PLCD4: variants seen among roughly 807,000 people sequenced by gnomAD.
The protein encoded by PLCD4 is 1-phosphatidylinositol 4,5-bisphosphate phosphodiesterase delta-4.
A neutral mutation model predicts 90.2 loss-of-function variants in PLCD4; 63 were observed. The observed-to-expected ratio is 0.70, with a 90% CI of 0.57 to 0.86. PLCD4 has a LOEUF of 0.86. Ranked by LOEUF, PLCD4 falls within the 40% of genes least tolerant of loss-of-function variation. PLCD4 has a pLI of 0.00. For synonymous variants in PLCD4, 294 were observed against 356.5 expected, an observed-to-expected ratio of 0.82 and a Z score of 1.97; for missense variants, 830 against 956.3, an observed-to-expected ratio of 0.87 and a Z score of 1.74.
At chr2:218,632,402 C>A in intron 10 of PLCD4, 90 bp downstream of exon 10, 1 of 1,346,686 alleles carries the variant, frequency 7.4e-7, no homozygotes, top group Non-Finnish European at 9.9e-7. Context: ...GTGCAAGATG[C>A]AGGGCCAAGG....
In PLCD4 at chr2:218,632,190, C is replaced by T. The variant is rs749552818; in HGVS notation, c.1327C>T (p.Leu443=). 8 of 1,611,030 alleles carry T rather than the reference C, an allele frequency of 5.0e-6. No homozygotes were observed. Among genetic ancestry groups the T allele is most frequent in the Non-Finnish European group, 5.9e-6 (7 of 1,178,806 alleles). ...GAAGAAGTTAACACTTGAGGAAGAC[C>T]TGGAATATGAGGAAGAGGAAGCAGA... ...KGKKLTLEED[L]EYEEEEAEPE... is the part of the protein sequence containing the mutation. The change falls in exon 10 of 16, where the codon CTG becomes TTG. Residue 443 remains leucine, a synonymous_variant. Transcript: ENST00000450993.
chr2:218,615,308 A>C (rs1559262719), intron 1 of PLCD4, among the ~76,000 whole-genome samples: 2 of 152,204 alleles, frequency 1.3e-5, no homozygotes, highest in East Asian at 3.8e-4. Flanking sequence ...GGACTCCCAG[A>C]ATAGGGAAGC....
At chr2:218,633,581 C>A in intron 10 of PLCD4, 24 bp from the exon 11 acceptor site, 1 of 1,609,800 alleles carries the variant, frequency 6.2e-7, no homozygotes, top group Non-Finnish European at 8.5e-7. Flanking sequence ...GGTTCAATTC[C>A]ATCTTCTTTT....
At position 218,637,165 on chromosome 2, in the gene PLCD4, T is replaced by C; in HGVS notation, c.*588T>C. ...CCTTAGCCCCACTGGTATAAATACA[T>C]CTCTCTCCAATTTGGCTTCAATATG... On this transcript the variant is annotated 3_prime_UTR_variant, in exon 16 of 16. Coordinates refer to ENST00000450993, the MANE Select transcript of PLCD4 (RefSeq NM_032726.4). 1 of 257,538 alleles carries C rather than the reference T, an allele frequency of 3.9e-6. No homozygotes were observed. Among genetic ancestry groups the C allele is most frequent in the South Asian group, 4.3e-5 (1 of 23,006 alleles). 16.0% of individuals were successfully genotyped at this position (257,538 alleles called of 1,614,324 possible).
chr2:218,608,865 G>A (rs964144550), intron 1 of PLCD4, among the ~76,000 whole-genome samples: 3 of 152,110 alleles, frequency 2.0e-5, no homozygotes, highest in East Asian at 1.9e-4. Context: ...CTGGCCGGGC[G>A]CGGTGGCTCA....
At chr2:218,633,387 T>C in intron 10 of PLCD4, 1 of 707,914 alleles carries the variant, frequency 1.4e-6, no homozygotes, top group Non-Finnish European at 2.6e-6. Context: ...CACCCCCAGG[T>C]TGTGACGTGC....
intron 11 of PLCD4, 64 bp downstream of exon 11, chr2:218,633,825 G>A (rs1277124114): frequency 6.4e-7 from 1 of 1,569,678 alleles, no homozygotes; most frequent in Admixed American, 1.7e-5. Flanking sequence ...CTGATGGACT[G>A]GCAGGTAAGT....
chr2:218,630,550 CTGAG>C (rs1451388818), intron 8 of PLCD4, 96 bp from the exon 9 acceptor site: 27 of 1,346,970 alleles, frequency 2.0e-5, no homozygotes, highest in South Asian at 9.8e-5. Flanking sequence ...GGGTACTCAT[CTGAG>C]TGAGTAAGTA....
intron 13 of PLCD4, among the ~76,000 whole-genome samples, chr2:218,635,259 G>A (rs1183185017): frequency 2.0e-5 from 3 of 151,374 alleles, no homozygotes; most frequent in African/African-American, 4.9e-5. Flanking sequence ...GAGTATGATC[G>A]TGTCTCTTTG....
chr2:218,633,981 G>A (rs1696550372), intron 11 of PLCD4, 124 bp from the exon 12 acceptor site: 23 of 1,381,226 alleles, frequency 1.7e-5, no homozygotes, highest in Non-Finnish European at 2.3e-5. Context: ...GAGAGGCACA[G>A]TGAAACTTTC....
chr2:218,635,886 C>A lies in PLCD4; in HGVS notation c.1987C>A (p.Arg663Ser). 2 of 1,613,920 alleles carry A rather than the reference C, an allele frequency of 1.2e-6. No homozygotes were observed. Among genetic ancestry groups the A allele is most frequent in the Non-Finnish European group, 1.7e-6 (2 of 1,179,892 alleles). Reference protein sequence around the residue: ...PLVKVQIFGVRLDTARQETNY... With the variant: ...PLVKVQIFGVSLDTARQETNY... ...GGTGAAAGTGCAGATCTTTGGCGTT[C>A]GTCTAGACACAGCACGGCAGGAGAC... Residue 663 changes from arginine to serine, a missense_variant, in exon 14 of 16, where the codon CGT (arginine) becomes AGT (serine). Transcript: ENST00000450993.
intron 3 of PLCD4, 73 bp downstream of exon 3, chr2:218,616,135 C>G (rs1431195166): frequency 6.5e-7 from 1 of 1,526,994 alleles, no homozygotes; most frequent in Non-Finnish European, 8.9e-7. Flanking sequence ...GGGGAGGGAC[C>G]AAAGTCCTAC....
At chr2:218,609,030 T>A (rs1695212879) in intron 1 of PLCD4, among the ~76,000 whole-genome samples, 1 of 151,316 alleles carries the variant, frequency 6.6e-6, no homozygotes, top group African/African-American at 2.4e-5. Context: ...TAGTCCCAGC[T>A]ACTCGGGAGG....
At chr2:218,626,490 T>G (rs1696126771) in intron 6 of PLCD4, among the ~76,000 whole-genome samples, 1 of 152,184 alleles carries the variant, frequency 6.6e-6, no homozygotes, top group South Asian at 2.1e-4. Context: ...CTACAGTTAC[T>G]GATTATGAGA....
chr2:218,615,596 TA>T, intron 1 of PLCD4, 110 bp from the exon 2 acceptor site: 1 of 838,836 alleles, frequency 1.2e-6, no homozygotes, highest in Non-Finnish European at 1.8e-6. Context: ...GGCAGGTTTC[TA>T]AACCTATCTA....
intron 1 of PLCD4, among the ~76,000 whole-genome samples, chr2:218,610,805 GCAGC>G (rs1341862697): frequency 3.3e-5 from 5 of 151,808 alleles, no homozygotes; most frequent in Admixed American, 3.3e-4. Flanking sequence ...TCGGCTCACT[GCAGC>G]CTCCGCCTCC....
chr2:218,629,487 C>T (rs899884687), intron 7 of PLCD4, 32 bp from the exon 8 acceptor site: 1 of 1,609,150 alleles, frequency 6.2e-7, no homozygotes, highest in African/African-American at 1.3e-5. Context: ...ATTGACCTCT[C>T]CTATTTCTCG....
intron 10 of PLCD4, chr2:218,633,122 GAC>G: frequency 2.2e-6 from 1 of 462,556 alleles, no homozygotes; most frequent in African/African-American, 2.0e-5. Flanking sequence ...ATTACTCTGG[GAC>G]TCTCACATCC....
intron 6 of PLCD4, among the ~76,000 whole-genome samples, chr2:218,624,010 C>G (rs1267740496): frequency 6.6e-6 from 1 of 152,180 alleles, no homozygotes; most frequent in East Asian, 1.9e-4. Context: ...ATACAATGAC[C>G]TGTTGAAATG....
Sources: allele counts gnomAD v4.1 joint callset (sites outside exome capture counted in the v4.1 genomes callset), GRCh38; gene constraint gnomAD v4.1.1; transcripts MANE v1.5; gene names NCBI Gene and HGNC (gene_info 2026-07-23, HGNC 2026-07-21).